Variants in CNGA3 observed in about 807,000 individuals in gnomAD.
The protein encoded by CNGA3 is cyclic nucleotide-gated channel alpha-3.
In CNGA3, 42 loss-of-function variants were observed where a neutral mutation model predicts 46.6. The observed-to-expected ratio is 0.90, with a 90% CI of 0.70 to 1.17. The LOEUF (loss-of-function observed/expected upper bound fraction) is 1.17. CNGA3 is among the 50% of genes most tolerant of loss of function. The pLI is 0.00. For missense variants in CNGA3, 893 were observed against 890.7 expected (o/e 1.00, Z -0.03); for synonymous variants, 394 against 369.4 (o/e 1.07, Z -0.76).
At chr2:98,391,119 G>A (rs1462433706) in intron 6 of CNGA3, among the ~76,000 whole-genome samples, 1 of 152,196 alleles carries the variant, frequency 6.6e-6, no homozygotes, top group East Asian at 1.9e-4. Context: ...CGTCAGGGAT[G>A]CCATCCACAT....
intron 3 of CNGA3, among the ~76,000 whole-genome samples, chr2:98,379,565 G>A (rs937857263): frequency 2.0e-5 from 3 of 152,156 alleles, no homozygotes; most frequent in Non-Finnish European, 2.9e-5. Flanking sequence ...GCCGGGCTCC[G>A]GGAGAGGGCC....
intron 7 of CNGA3, among the ~76,000 whole-genome samples, chr2:98,394,002 C>T (rs769955401): frequency 6.6e-6 from 1 of 151,072 alleles, no homozygotes; most frequent in Non-Finnish European, 1.5e-5. Flanking sequence ...AGACGTCCTA[C>T]CCCAGTCTAG....
chr2:98,382,704 G>A (rs533142701), intron 4 of CNGA3, among the ~76,000 whole-genome samples: 1 of 152,304 alleles, frequency 6.6e-6, no homozygotes. Flanking sequence ...ACATCATGAA[G>A]TACTGCAAAA....
At chr2:98,355,945 C>T (rs1346743074) in intron 1 of CNGA3, 2 of 152,190 alleles carry the variant, frequency 1.3e-5, no homozygotes, top group African/African-American at 4.8e-5. Context: ...GGTTTTCTCT[C>T]TCCATAAGCC....
chr2:98,371,500 C>T (rs1296941513), intron 2 of CNGA3, among the ~76,000 whole-genome samples: 1 of 152,174 alleles, frequency 6.6e-6, no homozygotes, highest in African/African-American at 2.4e-5. Context: ...TTGAACCCCA[C>T]CTTCTGAGAT....
At chr2:98,360,361 C>T (rs1322457911) in intron 1 of CNGA3, among the ~76,000 whole-genome samples, 3 of 152,204 alleles carry the variant, frequency 2.0e-5, no homozygotes, top group Non-Finnish European at 4.4e-5. Context: ...ATAGAGAAAG[C>T]AGCTGAGGGG....
At chr2:98,392,214 A>G (rs562682180) in intron 7 of CNGA3, among the ~76,000 whole-genome samples, 1 of 152,302 alleles carries the variant, frequency 6.6e-6, no homozygotes, top group Non-Finnish European at 1.5e-5. Flanking sequence ...AAGCTGTATG[A>G]CCTTGAGCAA....
intron 2 of CNGA3, among the ~76,000 whole-genome samples, chr2:98,376,021 G>A (rs144677124): frequency 1.3e-5 from 2 of 152,192 alleles, no homozygotes; most frequent in Non-Finnish European, 2.9e-5. Context: ...TGAGTAGGAT[G>A]GTGTTGGGAG....
chr2:98,382,124 C>A (rs747571114), intron 4 of CNGA3, among the ~76,000 whole-genome samples: 2 of 152,138 alleles, frequency 1.3e-5, no homozygotes, highest in Non-Finnish European at 2.9e-5. Context: ...GGATCACTCG[C>A]GGGCAGGGTC....
chr2:98,392,873 C>A (rs1314625353), intron 7 of CNGA3, among the ~76,000 whole-genome samples: 1 of 152,234 alleles, frequency 6.6e-6, no homozygotes, highest in Non-Finnish European at 1.5e-5. Flanking sequence ...CTTCACATTT[C>A]TTAGGTGCTG....
intron 1 of CNGA3, 43 bp downstream of exon 1, chr2:98,346,577 G>A (rs1024158720): frequency 7.6e-6 from 3 of 397,136 alleles, no homozygotes; most frequent in Non-Finnish European, 1.3e-5. Context: ...TTTTTGGGGG[G>A]CGCCGGGAGG....
In CNGA3 at chr2:98,355,565, T is replaced by C. The variant is rs577743599; in HGVS notation, c.-38+9031T>C. Among the ~76,000 whole-genome samples, 30 of 152,222 alleles carry C rather than the reference T, an allele frequency of 2.0e-4. 1 individual carries two copies. In the South Asian group the frequency reaches 5.2e-3, roughly 26 times the overall value. On this transcript the variant is annotated intron_variant, in intron 1 of 7. Transcript: ENST00000272602. ...CATATTTTAAGTTTTTTAAAAGGTATATTTAAATATTTTTAAAACTCTTAT... is the reference window on the plus strand; with the variant it reads ...CATATTTTAAGTTTTTTAAAAGGTACATTTAAATATTTTTAAAACTCTTAT...
At chr2:98,361,771 G>A (rs1471605276) in intron 1 of CNGA3, among the ~76,000 whole-genome samples, 5 of 146,066 alleles carry the variant, frequency 3.4e-5, no homozygotes, top group East Asian at 2.0e-4. Flanking sequence ...GCAGTGGCGC[G>A]ATCTCGGCTC....
chr2:98,390,753 G>C (rs370452539), intron 6 of CNGA3, among the ~76,000 whole-genome samples: 1 of 152,110 alleles, frequency 6.6e-6, no homozygotes, highest in Admixed American at 6.5e-5. Flanking sequence ...GGTAAGCATG[G>C]GGTTTGGGGG....
chr2:98,353,879 G>A (rs1192599733), intron 1 of CNGA3, among the ~76,000 whole-genome samples: 1 of 152,150 alleles, frequency 6.6e-6, no homozygotes, highest in African/African-American at 2.4e-5. Context: ...GCAAGTGGGG[G>A]AGGTGTCACA....
chr2:98,393,843 G>A (rs919363537), intron 7 of CNGA3, among the ~76,000 whole-genome samples: 2 of 151,970 alleles, frequency 1.3e-5, no homozygotes, highest in Non-Finnish European at 2.9e-5. Context: ...TAAAGAAGTG[G>A]GGAGGAGGCT....
intron 2 of CNGA3, among the ~76,000 whole-genome samples, chr2:98,375,993 G>T (rs928346430): frequency 6.6e-6 from 1 of 152,190 alleles, no homozygotes; most frequent in Non-Finnish European, 1.5e-5. Context: ...ATGGCATGTG[G>T]TTTGTGTATT....
chr2:98,394,417 T>A (rs995055703), intron 7 of CNGA3, among the ~76,000 whole-genome samples: 8 of 152,144 alleles, frequency 5.3e-5, no homozygotes, highest in Non-Finnish European at 1.2e-4. Flanking sequence ...AAAAGGCAGG[T>A]TGTGCCCCAT....
intron 1 of CNGA3, among the ~76,000 whole-genome samples, chr2:98,360,860 T>C (rs1005636875): frequency 6.6e-6 from 1 of 152,034 alleles, no homozygotes; most frequent in African/African-American, 2.4e-5. Flanking sequence ...ACTAATAGCA[T>C]CCACCTCAGA....
Sources: gnomAD v4.1 joint callset for allele counts (sites outside exome capture counted in the v4.1 genomes callset) on GRCh38, gnomAD v4.1.1 for gene constraint, MANE v1.5 for transcripts, NCBI Gene and HGNC (gene_info 2026-07-23, HGNC 2026-07-21) for gene names.